Variants in PRDM6 observed in about 807,000 individuals in gnomAD.
PRDM6 encodes putative histone-lysine N-methyltransferase PRDM6.
In PRDM6, 25 loss-of-function variants were observed where a neutral mutation model predicts 60.8. The ratio of observed to expected loss-of-function variants is 0.41; its 90% CI spans 0.30 to 0.57. The LOEUF (loss-of-function observed/expected upper bound fraction) is 0.57, where lower values mean the gene tolerates loss of function less well. Ranked by LOEUF, PRDM6 falls within the 20% of genes least tolerant of loss-of-function variation. The pLI is 0.27. For missense variants in PRDM6, 839 were observed against 821.3 expected (o/e 1.02, Z -0.26); for synonymous variants, 407 against 357.4 (o/e 1.14, Z -1.57).
chr5:123,099,960 A>G lies in PRDM6; in HGVS notation c.899A>G (p.Glu300Gly). 6.6e-7 allele frequency: 1 copy of G among 1,507,978 alleles called. No individual in the cohort carries two copies. The allele number at this position is 1,507,978 out of a possible 1,614,324, so 93.4% of individuals were successfully genotyped here. A position where few individuals can be genotyped will look rare whatever the true frequency, so the allele number is the denominator to read the frequency against. Residue 300 changes from glutamate (E) to glycine (G), a missense_variant and splice_region_variant, in exon 3 of 8, where the codon GAG becomes GGG. Glu to Gly is a moderately conservative substitution (Grantham distance 98). Around this residue, in one of 2 missense-constraint regions of PRDM6, gnomAD observed 730 missense variants for 648.8 expected, o/e 1.13. Coordinates refer to ENST00000407847, the MANE Select transcript of PRDM6 (RefSeq NM_001136239.4). The surrounding 1 kb of genome is among the most constrained non-coding windows in gnomAD (Gnocchi z 4.0). Reference sequence around the variant, plus strand: ...GTGAGGAACACGCAGCATCTCTGGGAGGTAAGTGGCCGGCTGCACAGCGCC... The same window carrying G: ...GTGAGGAACACGCAGCATCTCTGGGGGGTAAGTGGCCGGCTGCACAGCGCC... ...GAVRNTQHLW[E>G]IYDQDGTLQH...
intron 5 of PRDM6, among the ~76,000 whole-genome samples, chr5:123,163,752 G>A (rs1765685378): frequency 6.6e-6 from 1 of 152,086 alleles, no homozygotes; most frequent in African/African-American, 2.4e-5. Flanking sequence ...ATTCGTTTCA[G>A]AGGAAATTAA....
rs571367283 is a variant in PRDM6, at chr5:123,146,927, C to T, written c.901-8957C>T. The stretch of plus-strand genomic sequence containing the variant: ...TTTGTGGCAGCAATCTTTATAAGCC[C>T]CCAAATGGCACTTAATAAATAAAAG... On this transcript the variant is annotated intron_variant, in intron 3 of 7. Transcript: ENST00000407847. 2.6e-5 allele frequency among the ~76,000 whole-genome samples: 4 copies of T among 152,158 alleles called. No individual in the cohort carries two copies. In the South Asian group the frequency reaches 8.3e-4, roughly 32 times the overall value.
intron 3 of PRDM6, among the ~76,000 whole-genome samples, chr5:123,118,661 G>A (rs1764510879): frequency 6.6e-6 from 1 of 152,210 alleles, no homozygotes; most frequent in Non-Finnish European, 1.5e-5. Flanking sequence ...AGGGTGCACA[G>A]CACTTTTAGG....
chr5:123,097,358 T>C (rs1218177185), intron 2 of PRDM6, among the ~76,000 whole-genome samples: 2 of 152,210 alleles, frequency 1.3e-5, no homozygotes, highest in Non-Finnish European at 2.9e-5. Context: ...GAATGTTAAA[T>C]TTCCCCAGCT....
At position 123,170,958 on chromosome 5, in the gene PRDM6, A is replaced by C; in HGVS notation, c.1346A>C (p.Lys449Thr). The C allele has an allele frequency of 6.4e-7, 1 of 1,551,882 alleles. No homozygotes were observed. The highest frequency in any genetic ancestry group is 8.7e-7 in the Non-Finnish European group (1 of 1,147,040). The change falls in exon 6 of 8, where the codon AAA becomes ACA. Residue 449 changes from lysine to threonine, a missense_variant. Physicochemically the swap from Lys to Thr is moderately conservative, Grantham distance 78 (BLOSUM62 -1). This residue lies in a region of PRDM6 where 730 missense variants were observed against 648.8 expected (regional missense o/e 1.13). Transcript: ENST00000407847. ...IESGFNQINV[K>T]NQRVLASPTS... ...TCAGGATTTAATCAAATCAACGTGA[A>C]AAACCAGCGAGTCCTGGCAAGCCCA... is the stretch of plus-strand genomic sequence containing the variant.
intron 3 of PRDM6, among the ~76,000 whole-genome samples, chr5:123,131,685 C>T (rs1433973033): frequency 6.6e-6 from 1 of 152,190 alleles, no homozygotes; most frequent in African/African-American, 2.4e-5. Context: ...ATTTTAATAT[C>T]TATCTTTCTC....
At chr5:123,111,554 C>T (rs1187070791) in intron 3 of PRDM6, among the ~76,000 whole-genome samples, 2 of 152,070 alleles carry the variant, frequency 1.3e-5, no homozygotes, top group African/African-American at 4.8e-5. Context: ...AAAAATTGTC[C>T]GGGTGTGGTG....
At chr5:123,143,293 G>A (rs1392916601) in intron 3 of PRDM6, among the ~76,000 whole-genome samples, 1 of 152,008 alleles carries the variant, frequency 6.6e-6, no homozygotes, top group Non-Finnish European at 1.5e-5. Flanking sequence ...CAAGGTGTTT[G>A]TAGCCCTGCC....
intron 3 of PRDM6, among the ~76,000 whole-genome samples, chr5:123,125,145 ACCCCC>A (rs773842870): frequency 2.9e-5 from 4 of 138,066 alleles, no homozygotes; most frequent in African/African-American, 1.2e-4. Context: ...TACATACCGC[ACCCCC>A]TCCCCCCCAC....
intron 6 of PRDM6, among the ~76,000 whole-genome samples, chr5:123,174,878 T>G (rs1765969715): frequency 6.6e-6 from 1 of 152,226 alleles, no homozygotes; most frequent in African/African-American, 2.4e-5. Context: ...TTACTTGATT[T>G]TGTTCTGTTA....
rs557105067 is a variant in PRDM6, at chr5:123,098,055, C to CT, written c.593-1597dup. Among the ~76,000 whole-genome samples the CT allele has an allele frequency of 3.3e-3, 497 of 152,342 alleles. 3 individuals carry two copies. Among genetic ancestry groups the CT allele is most frequent in the Non-Finnish European group, 4.6e-3 (310 of 68,032 alleles). On this transcript the variant is annotated intron_variant, in intron 2 of 7. Coordinates refer to ENST00000407847, the MANE Select transcript of PRDM6 (RefSeq NM_001136239.4). ...AAGCAAATGGCAAATCGAGGGCTCC[C>CT]TTACCATGCTGGGTTGCGATTAGCT...
chr5:123,147,984 A>G (rs1765285512), intron 3 of PRDM6, among the ~76,000 whole-genome samples: 1 of 152,232 alleles, frequency 6.6e-6, no homozygotes, highest in African/African-American at 2.4e-5. Flanking sequence ...CTAACTTGAC[A>G]CTTAGCAGTA....
intron 3 of PRDM6, among the ~76,000 whole-genome samples, chr5:123,125,255 CTCAGCTGGGCT>C (rs1764670364): frequency 6.6e-6 from 1 of 151,822 alleles, no homozygotes; most frequent in African/African-American, 2.4e-5. Context: ...GTGTTCCTAA[CTCAGCTGGGCT>C]TATAGTACAT....
At chr5:123,123,804 G>C (rs1261796674) in intron 3 of PRDM6, among the ~76,000 whole-genome samples, 3 of 152,086 alleles carry the variant, frequency 2.0e-5, no homozygotes, top group Non-Finnish European at 4.4e-5. Flanking sequence ...TTTTCTGGCT[G>C]CCTCAGTCCT....
In PRDM6 at chr5:123,099,791, C is replaced by G; in HGVS notation, c.730C>G (p.Leu244Val). 6.5e-7 allele frequency: 1 copy of G among 1,548,882 alleles called. No individual in the cohort carries two copies. Among genetic ancestry groups the G allele is most frequent in the Non-Finnish European group, 8.7e-7 (1 of 1,146,024 alleles). Reference sequence around the variant, plus strand: ...GGAGCTGCCGGAGTGGCTGCGGGACCTGCCTCGCGAGGTGTGCCTCTGCAC... The same window carrying G: ...GGAGCTGCCGGAGTGGCTGCGGGACGTGCCTCGCGAGGTGTGCCTCTGCAC... ...PPELPEWLRDLPREVCLCTST... is the reference protein window; with the variant it reads ...PPELPEWLRDVPREVCLCTST... The change falls in exon 3 of 8, where the codon CTG becomes GTG. Residue 244 changes from leucine to valine, a missense_variant. Coordinates refer to ENST00000407847, the MANE Select transcript of PRDM6 (RefSeq NM_001136239.4). This position sits in a 1 kb window ranked among gnomAD's most constrained non-coding sequence, Gnocchi z 4.0.
At position 123,091,250 on chromosome 5, in the gene PRDM6, A is replaced by C. The variant is rs182776588; in HGVS notation, c.592+644A>C. Among the ~76,000 whole-genome samples, 171 of 152,216 alleles carry C rather than the reference A, an allele frequency of 1.1e-3. 2 individuals are homozygous for C. Among genetic ancestry groups the C allele is most frequent in the African/African-American group, 3.7e-3 (155 of 41,526 alleles). On this transcript the variant is annotated intron_variant, in intron 2 of 7. Transcript: ENST00000407847. Reference sequence around the variant, plus strand: ...TATTCATTTAAAAAGAAGGAAAAGAAAAAAAAATGACTGCTACTTACTGAG... The same window carrying C: ...TATTCATTTAAAAAGAAGGAAAAGACAAAAAAATGACTGCTACTTACTGAG...
At chr5:123,165,026 G>C (rs897793241) in intron 5 of PRDM6, among the ~76,000 whole-genome samples, 2 of 152,118 alleles carry the variant, frequency 1.3e-5, no homozygotes, top group African/African-American at 4.8e-5. Context: ...GCTCAGTGCT[G>C]CTTGCCTCAC....
intron 3 of PRDM6, among the ~76,000 whole-genome samples, chr5:123,154,754 A>G (rs752451963): frequency 1.5e-4 from 23 of 152,198 alleles, no homozygotes; most frequent in Non-Finnish European, 2.9e-4. Flanking sequence ...CAAGAGTGAG[A>G]GACACGATTT....
intron 6 of PRDM6, among the ~76,000 whole-genome samples, chr5:123,176,972 G>T (rs1483830733): frequency 6.6e-6 from 1 of 152,182 alleles, no homozygotes; most frequent in Admixed American, 6.5e-5. Context: ...TTAATTGTGC[G>T]CTCCAAAGGC....
Sources: gnomAD v4.1 joint callset for allele counts (sites outside exome capture counted in the v4.1 genomes callset) on GRCh38, gnomAD v4.1.1 for gene constraint, gnomAD v4.1.1 regional missense constraint, Gnocchi (gnomAD v3.1) non-coding constraint, MANE v1.5 for transcripts, NCBI Gene and HGNC (gene_info 2026-07-23, HGNC 2026-07-21) for gene names.